The following ADGRL3 variants were observed in gnomAD, a reference collection of about 807,000 sequenced individuals.
ADGRL3 encodes the protein calcium-independent alpha-latrotoxin receptor 3.
Under a neutral mutation model 153.5 loss-of-function variants are expected in ADGRL3, and 62 were observed. That is an observed-to-expected ratio of 0.40 (90% CI 0.33 to 0.50). ADGRL3 has a LOEUF of 0.50. ADGRL3 is among the 20% of genes least tolerant of loss of function. The pLI, the probability that ADGRL3 is intolerant of heterozygous loss-of-function variation, is 0.47. For synonymous variants in ADGRL3, 710 were observed against 672.5 expected, an observed-to-expected ratio of 1.06 and a Z score of -0.86; for missense variants, 1,641 against 1,859.4, an observed-to-expected ratio of 0.88 and a Z score of 2.16.
intron 4 of ADGRL3, among the ~76,000 whole-genome samples, chr4:61,520,682 G>GTGTGTGTGTGTGTCTGTC (rs763505931): frequency 1.1e-4 from 14 of 123,580 alleles, no homozygotes; most frequent in East Asian, 5.3e-4. Context: ...GTGTGTGTGT[G>GTGTGTGTGTGTGTCTGTC]TGTCTGTCTG....
intron 8 of ADGRL3, among the ~76,000 whole-genome samples, chr4:61,793,296 C>A (rs556791555): frequency 6.6e-6 from 1 of 151,992 alleles, no homozygotes; most frequent in Non-Finnish European, 1.5e-5. Flanking sequence ...TGGCGGCGGG[C>A]GCCTGTAGTC....
chr4:61,364,175 A>T (rs1231039665), intron 1 of ADGRL3, among the ~76,000 whole-genome samples: 1 of 151,658 alleles, frequency 6.6e-6, no homozygotes, highest in African/African-American at 2.4e-5. Flanking sequence ...ACTAAAATAA[A>T]AAAAAAAATT....
chr4:61,563,775 C>T (rs1456357842), intron 4 of ADGRL3, among the ~76,000 whole-genome samples: 5 of 152,092 alleles, frequency 3.3e-5, no homozygotes, highest in African/African-American at 7.2e-5. Flanking sequence ...TTTGGGAGGT[C>T]GAGGCGGGCA....
At position 61,517,860 on chromosome 4, in the gene ADGRL3, A is replaced by G. The variant is rs182061366; in HGVS notation, c.259+342A>G. On this transcript the variant is annotated intron_variant, in intron 4 of 26. Coordinates refer to ENST00000683033, the MANE Select transcript of ADGRL3 (RefSeq NM_001387552.1). ...TTTGAAAGGCTGTATAAGTTTTAAC[A>G]TGTCTGATCATCTGCTTGTTTGAAA... Among the ~76,000 whole-genome samples the G allele has an allele frequency of 3.9e-5, 6 of 152,312 alleles. No homozygotes were observed. In the East Asian group the frequency reaches 9.7e-4, roughly 25 times the overall value.
chr4:61,438,358 A>AT (rs1416756820), intron 2 of ADGRL3, among the ~76,000 whole-genome samples: 8 of 150,266 alleles, frequency 5.3e-5, no homozygotes, highest in Non-Finnish European at 8.9e-5. Context: ...TTATTTATTT[A>AT]TTTTTTATTT....
intron 2 of ADGRL3, among the ~76,000 whole-genome samples, chr4:61,401,457 T>C (rs1029498129): frequency 3.7e-4 from 57 of 152,090 alleles, no homozygotes; most frequent in African/African-American, 1.3e-3. Context: ...GGAAAACAAA[T>C]ACGTTTCACA....
At chr4:61,778,973 G>A (rs556109075) in intron 8 of ADGRL3, among the ~76,000 whole-genome samples, 77 of 151,788 alleles carry the variant, frequency 5.1e-4, no homozygotes, top group Admixed American at 3.7e-3. Flanking sequence ...TAGGAGAACC[G>A]CTTGAACACA....
intron 1 of ADGRL3, among the ~76,000 whole-genome samples, chr4:61,356,715 A>G (rs1373738217): frequency 2.6e-5 from 4 of 152,114 alleles, no homozygotes; most frequent in Non-Finnish European, 4.4e-5. Context: ...TTTTCCTTGC[A>G]GTTACTTATC....
At chr4:62,011,652 G>A (rs1223287741) in intron 21 of ADGRL3, among the ~76,000 whole-genome samples, 1 of 152,000 alleles carries the variant, frequency 6.6e-6, no homozygotes, top group Non-Finnish European at 1.5e-5. Context: ...AGTATGTCTG[G>A]ATCTGTATCA....
chr4:61,267,204 C>T lies in ADGRL3; in HGVS notation c.-240+65439C>T, dbSNP rs181489964. Among the ~76,000 whole-genome samples the T allele has an allele frequency of 3.3e-5, 5 of 151,658 alleles. No homozygotes were observed. The East Asian group carries it at 7.7e-4, about 23-fold the overall frequency. On this transcript the variant is annotated intron_variant, in intron 1 of 26. Transcript: ENST00000683033. ...CCTTTTCTAAAAACAAAATAAATGT[C>T]GAATGTAATGAATTGCCAGAATGTG...
chr4:61,340,597 TA>T, intron 1 of ADGRL3, among the ~76,000 whole-genome samples: 1 of 152,162 alleles, frequency 6.6e-6, no homozygotes, highest in Non-Finnish European at 1.5e-5. Flanking sequence ...AGCTTAAAAC[TA>T]AATATAATTT....
intron 21 of ADGRL3, among the ~76,000 whole-genome samples, chr4:62,003,952 C>T (rs1396672695): frequency 3.3e-5 from 5 of 151,968 alleles, no homozygotes; most frequent in African/African-American, 4.8e-5. Flanking sequence ...GCTTCTGAAT[C>T]GCTTCAGGGA....
intron 1 of ADGRL3, among the ~76,000 whole-genome samples, chr4:61,312,147 C>G (rs899939431): frequency 2.0e-5 from 3 of 152,020 alleles, no homozygotes; most frequent in Non-Finnish European, 2.9e-5. Flanking sequence ...GACAAAAGTG[C>G]AAAGGCAATT....
At chr4:61,482,778 C>G (rs2098144530) in intron 2 of ADGRL3, among the ~76,000 whole-genome samples, 1 of 152,046 alleles carries the variant, frequency 6.6e-6, no homozygotes, top group Admixed American at 6.6e-5. Context: ...TAAAAGTAGT[C>G]TTTGTCAAAA....
At chr4:61,215,652 C>T (rs541414136) in intron 1 of ADGRL3, among the ~76,000 whole-genome samples, 32 of 149,862 alleles carry the variant, frequency 2.1e-4, no homozygotes, top group African/African-American at 6.9e-4. Context: ...CCCGGGTTCA[C>T]GCCATTCTCC....
intron 5 of ADGRL3, among the ~76,000 whole-genome samples, chr4:61,594,717 C>T (rs2098982132): frequency 6.6e-6 from 1 of 152,142 alleles, no homozygotes; most frequent in African/African-American, 2.4e-5. Context: ...GACCTGAAGC[C>T]AGCATGGTAC....
At chr4:61,375,235 A>G (rs778595103) in intron 1 of ADGRL3, among the ~76,000 whole-genome samples, 13 of 152,086 alleles carry the variant, frequency 8.5e-5, no homozygotes, top group Non-Finnish European at 1.6e-4. Context: ...TTTTCCTTGT[A>G]TTTAATAGTT....
intron 5 of ADGRL3, among the ~76,000 whole-genome samples, chr4:61,614,245 A>G (rs890157321): frequency 6.6e-6 from 1 of 152,190 alleles, no homozygotes; most frequent in Non-Finnish European, 1.5e-5. Flanking sequence ...AGCATTATGC[A>G]TGCTTACATT....
chr4:61,390,149 T>C (rs1196810816), intron 2 of ADGRL3, among the ~76,000 whole-genome samples: 2 of 152,192 alleles, frequency 1.3e-5, no homozygotes, highest in Admixed American at 6.5e-5. Flanking sequence ...AATTTAGTTA[T>C]TTTAAAATAA....
Sources: gnomAD v4.1 joint callset for allele counts (sites outside exome capture counted in the v4.1 genomes callset) on GRCh38, gnomAD v4.1.1 for gene constraint, MANE v1.5 for transcripts, NCBI Gene and HGNC (gene_info 2026-07-23, HGNC 2026-07-21) for gene names.